SOS2: variants seen among roughly 807,000 people sequenced by gnomAD.
SOS2 encodes the protein SOS Ras/Rho guanine nucleotide exchange factor 2.
A neutral mutation model predicts 148.2 loss-of-function variants in SOS2; 65 were observed. The observed-to-expected ratio is 0.44, with a 90% CI of 0.36 to 0.54. SOS2 has a LOEUF of 0.54. Ranked by LOEUF, SOS2 falls within the 20% of genes least tolerant of loss-of-function variation. The pLI is 0.00. For synonymous variants in SOS2, 539 were observed against 537.1 expected, an observed-to-expected ratio of 1.00 and a Z score of -0.05; for missense variants, 1,341 against 1,590.2, an observed-to-expected ratio of 0.84 and a Z score of 2.67.
At chr14:50,151,531 C>T (rs900857416) in intron 13 of SOS2, among the ~76,000 whole-genome samples, 1 of 152,150 alleles carries the variant, frequency 6.6e-6, no homozygotes, top group African/African-American at 2.4e-5. Flanking sequence ...TCCTTCTTCA[C>T]TTACTAGCTG....
intron 4 of SOS2, among the ~76,000 whole-genome samples, chr14:50,195,546 G>C (rs944356691): frequency 3.3e-5 from 5 of 152,164 alleles, no homozygotes; most frequent in African/African-American, 1.2e-4. Context: ...AAAATCACTA[G>C]AAGCCAGGAA....
chr14:50,130,007 T>C lies in SOS2; in HGVS notation c.3338-5A>G, dbSNP rs1566818914. 1 of 1,580,404 alleles carries C rather than the reference T, an allele frequency of 6.3e-7. No homozygotes were observed. Among genetic ancestry groups the C allele is most frequent in the Non-Finnish European group, 8.7e-7 (1 of 1,154,428 alleles). The stretch of plus-strand genomic sequence containing the variant: ...GAGCAAAGATGCTATTGCTGCCTAT[T>C]GGAATAAGAAAAATTAATTTGAAAA... On this transcript the variant is annotated splice_polypyrimidine_tract_variant and splice_region_variant and intron_variant, in intron 20 of 22. Transcript: ENST00000216373.
chr14:50,229,047 A>C (rs2139884841), intron 1 of SOS2, among the ~76,000 whole-genome samples: 1 of 152,302 alleles, frequency 6.6e-6, no homozygotes, highest in African/African-American at 2.4e-5. Flanking sequence ...AAAATGGTAG[A>C]AATTCTCATT....
intron 21 of SOS2, among the ~76,000 whole-genome samples, chr14:50,124,933 T>G (rs1456976089): frequency 6.6e-6 from 1 of 152,226 alleles, no homozygotes. Flanking sequence ...ATGTAAAATT[T>G]TCTTATATGG....
chr14:50,154,128 G>A (rs1884745730), intron 12 of SOS2, among the ~76,000 whole-genome samples: 1 of 152,080 alleles, frequency 6.6e-6, no homozygotes, highest in Admixed American at 6.6e-5. Context: ...GAAAAGGAAA[G>A]GGAAGGAAGG....
chr14:50,216,602 T>TGC (rs1887047166), intron 1 of SOS2, among the ~76,000 whole-genome samples: 1 of 151,374 alleles, frequency 6.6e-6, no homozygotes, highest in Non-Finnish European at 1.5e-5. Context: ...GTACTAAAAG[T>TGC]ACAAAAATTA....
intron 14 of SOS2, among the ~76,000 whole-genome samples, chr14:50,147,182 T>C (rs1387217795): frequency 1.3e-5 from 2 of 151,250 alleles, no homozygotes; most frequent in Non-Finnish European, 2.9e-5. Flanking sequence ...GGTGACAGAG[T>C]GAGACCCCAT....
At chr14:50,218,763 T>C (rs530789638) in intron 1 of SOS2, among the ~76,000 whole-genome samples, 1 of 152,268 alleles carries the variant, frequency 6.6e-6, no homozygotes, top group Admixed American at 6.5e-5. Flanking sequence ...ATCTCTTATA[T>C]TGCTGGTGGG....
Position 50,150,156 on chromosome 14 carries a change from C to T in SOS2, c.2236G>A (p.Val746Ile), listed in dbSNP as rs955430620. 2.5e-6 allele frequency: 4 copies of T among 1,613,394 alleles called. No individual in the cohort carries two copies. Among genetic ancestry groups the T allele is most frequent in the Non-Finnish European group, 3.4e-6 (4 of 1,179,352 alleles). ...CTTTCAAAGGTAATATTATGGCTTA[C>T]TCCGTTTGCCTGAGCTTGCTTCTTC... is the stretch of plus-strand genomic sequence containing the variant. Reference protein sequence around the residue: ...RRKKQAQANGVSHNITFESPP... With the variant: ...RRKKQAQANGISHNITFESPP... Residue 746 changes from valine (V) to isoleucine (I), a missense_variant, in exon 14 of 23, where the codon GTA (valine) becomes ATA (isoleucine). Physicochemically the swap from Val to Ile is conservative, Grantham distance 29. Coordinates refer to ENST00000216373, the MANE Select transcript of SOS2 (RefSeq NM_006939.4).
chr14:50,170,463 A>G (rs952866349), intron 8 of SOS2, among the ~76,000 whole-genome samples: 3 of 151,974 alleles, frequency 2.0e-5, no homozygotes, highest in Admixed American at 6.6e-5. Context: ...AGGCAGGCAG[A>G]TTGCTTGAGC....
chr14:50,207,707 A>G (rs969022943), intron 1 of SOS2, among the ~76,000 whole-genome samples: 2 of 151,722 alleles, frequency 1.3e-5, no homozygotes, highest in Non-Finnish European at 2.9e-5. Flanking sequence ...GGAGTTCGAG[A>G]CCAGACTGGA....
intron 8 of SOS2, among the ~76,000 whole-genome samples, chr14:50,164,297 G>A (rs1047732399): frequency 3.3e-5 from 5 of 151,780 alleles, no homozygotes; most frequent in African/African-American, 7.3e-5. Flanking sequence ...AAAATTAGCC[G>A]GGCGTGGTGA....
chr14:50,136,610 G>A (rs1019432249), intron 18 of SOS2, among the ~76,000 whole-genome samples: 43 of 136,664 alleles, frequency 3.1e-4, no homozygotes, highest in Middle Eastern at 4.1e-3. Context: ...TTTTTTTTGA[G>A]ATGCAGTCTC....
At chr14:50,132,335 A>G (rs1883902554) in intron 19 of SOS2, among the ~76,000 whole-genome samples, 1 of 140,600 alleles carries the variant, frequency 7.1e-6, no homozygotes, top group Non-Finnish European at 1.5e-5. Context: ...TGGGCAATAT[A>G]GCAAGACTCT....
chr14:50,158,095 A>G (rs759366957), intron 11 of SOS2, among the ~76,000 whole-genome samples: 8 of 152,086 alleles, frequency 5.3e-5, no homozygotes, highest in Non-Finnish European at 1.2e-4. Context: ...TGAAACAATG[A>G]GTTGATAATT....
intron 16 of SOS2, among the ~76,000 whole-genome samples, chr14:50,140,997 G>A (rs1884259075): frequency 6.6e-6 from 1 of 150,924 alleles, no homozygotes; most frequent in Non-Finnish European, 1.5e-5. Context: ...GAGGTCAGGG[G>A]ATCAAGACCA....
intron 22 of SOS2, among the ~76,000 whole-genome samples, chr14:50,119,803 C>CTCTTTTTTTT (rs1883437616): frequency 1.5e-5 from 1 of 68,498 alleles, no homozygotes; most frequent in Non-Finnish European, 2.6e-5. Flanking sequence ...CCCAACCAGC[C>CTCTTTTTTTT]TTTTTTTTTT....
chr14:50,123,344 C>T (rs981356577), intron 21 of SOS2, among the ~76,000 whole-genome samples: 10 of 146,190 alleles, frequency 6.8e-5, no homozygotes, highest in Non-Finnish European at 1.2e-4. Flanking sequence ...AAGGAACCGG[C>T]TTTCACTGTG....
Position 50,188,029 on chromosome 14 carries a change from C to T in SOS2, c.714+468G>A, listed in dbSNP as rs538406259. ...TGCCTAATTTTCATTGTCACTGTACCTATTATATAACAATTCACATGTTTA... is the reference window on the plus strand; with the variant it reads ...TGCCTAATTTTCATTGTCACTGTACTTATTATATAACAATTCACATGTTTA... On this transcript the variant is annotated intron_variant, in intron 5 of 22. Transcript: ENST00000216373. Among the ~76,000 whole-genome samples, 150 of 152,232 alleles carry T rather than the reference C, an allele frequency of 9.9e-4. 1 individual carries two copies. The highest frequency in any genetic ancestry group is 6.8e-3 in the Middle Eastern group (2 of 294).
Sources: allele counts gnomAD v4.1 joint callset (sites outside exome capture counted in the v4.1 genomes callset), GRCh38; gene constraint gnomAD v4.1.1; transcripts MANE v1.5; gene names NCBI Gene and HGNC (gene_info 2026-07-23, HGNC 2026-07-21).